The following FTO variants were observed in gnomAD, a reference collection of about 807,000 sequenced individuals.
FTO encodes FTO alpha-ketoglutarate dependent dioxygenase, also known as alpha-ketoglutarate-dependent dioxygenase FTO.
Under a neutral mutation model 63.9 loss-of-function variants are expected in FTO, and 47 were observed. The ratio of observed to expected loss-of-function variants is 0.74; its 90% CI spans 0.58 to 0.94. The LOEUF is 0.94. Ranked by LOEUF, FTO falls within the 40% of genes least tolerant of loss-of-function variation. FTO has a pLI of 0.00. For synonymous variants in FTO, 207 were observed against 224.4 expected (o/e 0.92, Z 0.69); for missense variants, 562 against 618.1 (o/e 0.91, Z 0.96).
intron 8 of FTO, among the ~76,000 whole-genome samples, chr16:54,081,933 A>G (rs1405173858): frequency 6.6e-6 from 1 of 152,218 alleles, no homozygotes; most frequent in African/African-American, 2.4e-5. Flanking sequence ...GAGTTCGTTC[A>G]ACAGGCATTT....
chr16:54,036,740 G>A (rs1416410585), intron 8 of FTO, among the ~76,000 whole-genome samples: 1 of 152,086 alleles, frequency 6.6e-6, no homozygotes, highest in Non-Finnish European at 1.5e-5. Flanking sequence ...CATAAATGGA[G>A]GCAATAATAT....
chr16:53,835,907 T>TTTTTTTTTTGTTTTTTTTCTGG (rs2079276014), intron 3 of FTO, among the ~76,000 whole-genome samples: 1 of 149,724 alleles, frequency 6.7e-6, no homozygotes, highest in African/African-American at 2.5e-5. Flanking sequence ...TTTTTTTTTT[T>TTTTTTTTTTGTTTTTTTTCTGG]GAGATGGAGT....
intron 1 of FTO, among the ~76,000 whole-genome samples, chr16:53,704,445 G>A (rs1262865052): frequency 1.3e-5 from 2 of 152,346 alleles, no homozygotes; most frequent in East Asian, 3.9e-4. Flanking sequence ...TCAAAAATGA[G>A]AAGCAAGATA....
At chr16:53,764,411 C>G (rs550185357) in intron 1 of FTO, 4 of 146,218 alleles carry the variant, frequency 2.7e-5, no homozygotes, top group Non-Finnish European at 5.9e-5. Context: ...GCGGGCGGAT[C>G]ACTAGGTCAG....
intron 8 of FTO, among the ~76,000 whole-genome samples, chr16:53,946,885 TTG>T (rs1474215395): frequency 1.3e-5 from 2 of 152,188 alleles, no homozygotes; most frequent in Non-Finnish European, 2.9e-5. Flanking sequence ...AGTAATGATA[TTG>T]TTAGCTTGCT....
chr16:53,922,711 T>C (rs1004243381), intron 7 of FTO, among the ~76,000 whole-genome samples: 2 of 152,174 alleles, frequency 1.3e-5, no homozygotes, highest in Non-Finnish European at 2.9e-5. Context: ...TTGGGATGAA[T>C]TGCACCTAAG....
chr16:53,984,846 T>G, intron 8 of FTO: 1 of 431,866 alleles, frequency 2.3e-6, no homozygotes, highest in Non-Finnish European at 4.5e-6. Flanking sequence ...ATTCTTTTGG[T>G]GTCTTTTGGA....
rs140101381 is a variant in FTO at position 53,825,978 on chromosome 16, C to T, written c.238C>T (p.Arg80Trp). 230 of 1,614,130 alleles carry T rather than the reference C, an allele frequency of 1.4e-4. No homozygotes were observed. The highest frequency in any genetic ancestry group is 6.7e-4 in the Admixed American group (40 of 60,008). The stretch of plus-strand genomic sequence containing the variant: ...ACTGCACAAGCATGGCTGCTTATTT[C>T]GGGACCTGGTTAGGATCCAAGGCAA... ...LTLHKHGCLFRDLVRIQGKDL... is the reference protein window; with the variant it reads ...LTLHKHGCLFWDLVRIQGKDL... The change falls in exon 3 of 9, where the codon CGG becomes TGG. Residue 80 changes from arginine (R) to tryptophan (W), a missense_variant. Transcript: ENST00000471389.
intron 1 of FTO, among the ~76,000 whole-genome samples, chr16:53,760,266 T>TTG: frequency 9.4e-6 from 1 of 106,068 alleles, no homozygotes; most frequent in African/African-American, 3.9e-5. Flanking sequence ...GTGTGTTTTT[T>TTG]GGAGACAGGG....
At chr16:54,050,735 G>A (rs1308015023) in intron 8 of FTO, among the ~76,000 whole-genome samples, 3 of 152,150 alleles carry the variant, frequency 2.0e-5, no homozygotes, top group Non-Finnish European at 4.4e-5. Flanking sequence ...TGGCATGACC[G>A]CAGCCTAAAA....
intron 1 of FTO, among the ~76,000 whole-genome samples, chr16:53,719,305 C>T (rs2075977078): frequency 2.1e-5 from 3 of 145,118 alleles, no homozygotes; most frequent in Admixed American, 7.0e-5. Flanking sequence ...CACCCAGGCT[C>T]ACTGCAGCCT....
intron 7 of FTO, among the ~76,000 whole-genome samples, chr16:53,907,514 G>T (rs1016314277): frequency 7.9e-5 from 12 of 152,128 alleles, no homozygotes; most frequent in African/African-American, 2.9e-4. Flanking sequence ...TTCAAAGTAT[G>T]GTTTCTACTG....
intron 8 of FTO, among the ~76,000 whole-genome samples, chr16:54,079,466 T>C (rs1191934244): frequency 1.3e-5 from 2 of 152,216 alleles, no homozygotes; most frequent in Non-Finnish European, 2.9e-5. Context: ...AGACTTACTG[T>C]TGATGGCAGC....
At chr16:53,725,694 G>A (rs573243071) in intron 1 of FTO, among the ~76,000 whole-genome samples, 1 of 152,286 alleles carries the variant, frequency 6.6e-6, no homozygotes, top group South Asian at 2.1e-4. Flanking sequence ...TTTGTTCCTT[G>A]TAGATGATGG....
rs117681007 is a variant in FTO at position 53,986,814 on chromosome 16, G to A, written c.1364+52705G>A. On this transcript the variant is annotated intron_variant, in intron 8 of 8. Transcript: ENST00000471389. ...AGCTGTAGAGACATTAAATTACTGA[G>A]TAAATGAAGGTAACGTTGTTATGTC... 3.6e-4 allele frequency among the ~76,000 whole-genome samples: 55 copies of A among 152,304 alleles called. No individual in the cohort carries two copies. The East Asian group carries it at 8.1e-3, about 22-fold the overall frequency.
chr16:53,978,263 T>C (rs1217007996), intron 8 of FTO, among the ~76,000 whole-genome samples: 1 of 152,176 alleles, frequency 6.6e-6, no homozygotes, highest in African/African-American at 2.4e-5. Flanking sequence ...GTACTTGCAA[T>C]TTAAATGAGA....
At position 53,947,622 on chromosome 16, in the gene FTO, C is replaced by T. The variant is rs145512910; in HGVS notation, c.1364+13513C>T. On this transcript the variant is annotated intron_variant, in intron 8 of 8. Coordinates refer to ENST00000471389, the MANE Select transcript of FTO (RefSeq NM_001080432.3). ...TGATAAAGCGAGATTTCACTGTGGA[C>T]GAATGTACTCGAAAATTGCCTACTA... Among the ~76,000 whole-genome samples, 23 of 152,144 alleles carry T rather than the reference C, an allele frequency of 1.5e-4. No homozygotes were observed. In the East Asian group the frequency reaches 2.5e-3, roughly 17 times the overall value.
At chr16:53,788,204 C>T (rs2077800602) in intron 1 of FTO, among the ~76,000 whole-genome samples, 1 of 152,096 alleles carries the variant, frequency 6.6e-6, no homozygotes, top group Non-Finnish European at 1.5e-5. Context: ...CAAGCCTTAC[C>T]TAAAGTTTGT....
rs141360841 is a variant in FTO, at chr16:53,820,183, A to G, written c.124-5681A>G. Among the ~76,000 whole-genome samples, 142 of 151,586 alleles carry G rather than the reference A, an allele frequency of 9.4e-4. 1 individual carries two copies. Among genetic ancestry groups the G allele is most frequent in the African/African-American group, 2.8e-3 (115 of 41,336 alleles). ...GCCACCACGCCCAGCTAGTTTTTGTATTTTTAGTAGAAACAGGGTTTTACC... is the reference window on the plus strand; with the variant it reads ...GCCACCACGCCCAGCTAGTTTTTGTGTTTTTAGTAGAAACAGGGTTTTACC... On this transcript the variant is annotated intron_variant, in intron 2 of 8. Transcript: ENST00000471389.
Sources: allele counts gnomAD v4.1 joint callset (sites outside exome capture counted in the v4.1 genomes callset), GRCh38; gene constraint gnomAD v4.1.1; transcripts MANE v1.5; gene names NCBI Gene and HGNC (gene_info 2026-07-23, HGNC 2026-07-21).